The following SVOP variants were observed in gnomAD, a reference collection of about 807,000 sequenced individuals.
SVOP encodes synaptic vesicle 2-related protein.
Under a neutral mutation model 69.1 loss-of-function variants are expected in SVOP, and 17 were observed. The observed-to-expected ratio is 0.25, with a 90% CI of 0.17 to 0.37. SVOP has a LOEUF of 0.37. Among genes scored for constraint, SVOP ranks in the 10% least tolerant of loss-of-function variants. The probability of loss-of-function intolerance (pLI) is 1.00; values close to 1 mark genes in which losing one functional copy is unlikely to be tolerated. For missense variants in SVOP, 435 were observed against 597.5 expected, an observed-to-expected ratio of 0.73 and a Z score of 2.84; for synonymous variants, 238 against 238.6, an observed-to-expected ratio of 1.00 and a Z score of 0.02.
Position 109,021,039 on chromosome 12 carries a change from C to A in SVOP, c.-171G>T, listed in dbSNP as rs887622522. 9.2e-6 allele frequency: 5 copies of A among 544,448 alleles called. No individual in the cohort carries two copies. The highest frequency in any genetic ancestry group is 1.6e-5 in the Non-Finnish European group (5 of 304,994). 33.7% of individuals were successfully genotyped at this position (544,448 alleles called of 1,614,324 possible). A position where few individuals can be genotyped will look rare whatever the true frequency, so the allele number is the denominator to read the frequency against. On this transcript the variant is annotated 5_prime_UTR_variant, in exon 1 of 16. Transcript: ENST00000610966. ...CTGGGGACCAGCCCACGAGACAAAG[C>A]CTCCGCCGCCAGGAGACCGCGGCGA...
At chr12:108,947,204 C>T (rs1023093954) in intron 6 of SVOP, among the ~76,000 whole-genome samples, 1 of 152,116 alleles carries the variant, frequency 6.6e-6, no homozygotes, top group African/African-American at 2.4e-5. Context: ...TCTGTCATCA[C>T]CTTTCTAAGA....
chr12:108,962,142 G>A (rs1018499920), intron 5 of SVOP, among the ~76,000 whole-genome samples: 1 of 151,950 alleles, frequency 6.6e-6, no homozygotes, highest in Admixed American at 6.6e-5. Context: ...TCTGTTGCCC[G>A]GGCTAGAGTG....
rs1184585373 is a variant in SVOP at position 108,945,076 on chromosome 12, A to G, written c.642+27T>C. ...CCTCCTGCCGGAATCCACATGCTCT[A>G]GAGACCCAGGCCGCTCTCCTCCTTA... On this transcript the variant is annotated intron_variant, in intron 7 of 15. Transcript: ENST00000610966. 5 of 1,536,056 alleles carry G rather than the reference A, an allele frequency of 3.3e-6. No homozygotes were observed. The South Asian group carries it at 6.0e-5, about 18-fold the overall frequency.
intron 5 of SVOP, among the ~76,000 whole-genome samples, chr12:108,961,571 A>G (rs1265765758): frequency 6.6e-6 from 1 of 152,188 alleles, no homozygotes; most frequent in African/African-American, 2.4e-5. Flanking sequence ...GCTGTCAATG[A>G]CAACGCTGTG....
At chr12:108,918,350 C>T (rs1340981883) in intron 13 of SVOP, among the ~76,000 whole-genome samples, 2 of 152,158 alleles carry the variant, frequency 1.3e-5, no homozygotes, top group African/African-American at 4.8e-5. Flanking sequence ...GATGGGAACA[C>T]CTGTGGTGCC....
chr12:108,968,861 T>G (rs1322236605), intron 5 of SVOP, among the ~76,000 whole-genome samples: 1 of 152,144 alleles, frequency 6.6e-6, no homozygotes, highest in African/African-American at 2.4e-5. Flanking sequence ...TGGCATGATC[T>G]CGGCTCACTG....
intron 5 of SVOP, 86 bp from the exon 6 acceptor site, chr12:108,961,133 G>C: frequency 6.9e-7 from 1 of 1,446,446 alleles, no homozygotes; most frequent in Non-Finnish European, 9.1e-7. Context: ...GCCGATAATG[G>C]GGTCACATTA....
intron 14 of SVOP, among the ~76,000 whole-genome samples, chr12:108,917,566 A>ATAT (rs10666873): frequency 0.78 from 118,305 of 151,664 alleles, 46,712 homozygotes; most frequent in East Asian, 1. Flanking sequence ...CATATCATAC[A>ATAT]TATTCTGCAA....
intron 6 of SVOP, among the ~76,000 whole-genome samples, chr12:108,948,771 T>A (rs529520041): frequency 4.3e-4 from 66 of 152,194 alleles, no homozygotes; most frequent in Non-Finnish European, 7.6e-4. Context: ...TATATTCCTT[T>A]CAGTACCTCA....
intron 11 of SVOP, among the ~76,000 whole-genome samples, chr12:108,928,009 A>G (rs2039792214): frequency 6.6e-6 from 1 of 151,128 alleles, no homozygotes; most frequent in African/African-American, 2.4e-5. Context: ...GGGTTCAAGC[A>G]ATTCTCCTGA....
intron 2 of SVOP, among the ~76,000 whole-genome samples, chr12:108,982,644 C>T (rs1202420148): frequency 6.7e-6 from 1 of 149,320 alleles, no homozygotes; most frequent in Non-Finnish European, 1.5e-5. Context: ...ATCATCATCA[C>T]CATCACCATC....
At chr12:108,918,178 G>T in intron 13 of SVOP, 54 bp from the exon 14 acceptor site, 2 of 1,438,804 alleles carry the variant, frequency 1.4e-6, no homozygotes, top group Non-Finnish European at 1.9e-6. Context: ...GCTTGTTTCA[G>T]CATAGTCCTA....
At chr12:109,009,618 T>G (rs1252683898) in intron 1 of SVOP, among the ~76,000 whole-genome samples, 2 of 152,122 alleles carry the variant, frequency 1.3e-5, no homozygotes, top group Non-Finnish European at 2.9e-5. Context: ...TTTCACCATG[T>G]TGGCCAGGCT....
chr12:109,018,145 A>G (rs2040378666), intron 1 of SVOP, among the ~76,000 whole-genome samples: 1 of 146,252 alleles, frequency 6.8e-6, no homozygotes, highest in Admixed American at 6.9e-5. Flanking sequence ...TCGATCAATC[A>G]GTGTCTGCAA....
At chr12:108,931,477 C>T (rs927344402) in intron 11 of SVOP, among the ~76,000 whole-genome samples, 7 of 152,208 alleles carry the variant, frequency 4.6e-5, no homozygotes, top group Admixed American at 3.9e-4. Flanking sequence ...GCTTTTAAAA[C>T]TTACTAATGC....
rs1014105408 is a variant in SVOP at position 108,912,202 on chromosome 12, G to A, written c.*333C>T. On this transcript the variant is annotated 3_prime_UTR_variant, in exon 16 of 16. Transcript: ENST00000610966. ...CAGAGAGATATTTTGGTTGTTCACT[G>A]AGGGTTTGGCCGGGTGACTCTGGGT... The A allele has an allele frequency of 1.3e-5, 15 of 1,181,750 alleles. No homozygotes were observed. Among genetic ancestry groups the A allele is most frequent in the Non-Finnish European group, 1.6e-5 (15 of 950,290 alleles). The allele number at this position is 1,181,750 out of a possible 1,614,324, so 73.2% of individuals were successfully genotyped here.
intron 3 of SVOP, 70 bp from the exon 4 acceptor site, chr12:108,977,566 T>A: frequency 9.6e-7 from 1 of 1,045,026 alleles, no homozygotes; most frequent in Non-Finnish European, 1.4e-6. Context: ...GCCAAGTCCA[T>A]AACCCCAGAG....
chr12:109,020,127 T>G (rs769951812), intron 1 of SVOP, among the ~76,000 whole-genome samples: 1 of 152,194 alleles, frequency 6.6e-6, no homozygotes, highest in Admixed American at 6.5e-5. Flanking sequence ...CCCTGTCCTT[T>G]CGGTTGCTTG....
intron 6 of SVOP, among the ~76,000 whole-genome samples, chr12:108,946,705 A>ATTG (rs1026405600): frequency 9.6e-5 from 13 of 135,692 alleles, no homozygotes; most frequent in Non-Finnish European, 2.0e-4. Flanking sequence ...TATTATTATT[A>ATTG]TTATTATTAT....
Sources: allele counts gnomAD v4.1 joint callset (sites outside exome capture counted in the v4.1 genomes callset), GRCh38; gene constraint gnomAD v4.1.1; transcripts MANE v1.5; gene names NCBI Gene and HGNC (gene_info 2026-07-23, HGNC 2026-07-21).